Variants in ZNF410 observed in about 807,000 individuals in gnomAD.
ZNF410 encodes zinc finger protein 410.
In ZNF410, 18 loss-of-function variants were observed where a neutral mutation model predicts 54.8. The ratio of observed to expected loss-of-function variants is 0.33; its 90% CI spans 0.23 to 0.49. The LOEUF is 0.49. ZNF410 is among the 20% of genes least tolerant of loss of function. The pLI is 0.99. For synonymous variants in ZNF410, 191 were observed against 207.3 expected (o/e 0.92, Z 0.68); for missense variants, 405 against 569.6 (o/e 0.71, Z 2.94).
chr14:73,893,989 C>CT, intron 3 of ZNF410, 57 bp downstream of exon 3: 4 of 1,546,184 alleles, frequency 2.6e-6, no homozygotes, highest in Non-Finnish European at 3.5e-6. Flanking sequence ...TTAGCCTACT[C>CT]TATGTTACTG....
At chr14:73,930,972 A>G (rs757760262) in intron 11 of ZNF410, among the ~76,000 whole-genome samples, 2 of 152,188 alleles carry the variant, frequency 1.3e-5, no homozygotes, top group African/African-American at 4.8e-5. Flanking sequence ...AGCCTTGTGT[A>G]TAGAGTAGAA....
In ZNF410 at chr14:73,905,103, TC is replaced by T; in HGVS notation, c.913+22del. On this transcript the variant is annotated intron_variant, in intron 7 of 11. Transcript: ENST00000555044. Reference sequence around the variant, plus strand: ...ACACAGGTGTGTGCAGCACCAACATTCCTTTGGGCAGTCTGCTCCTTGGCTC... The same window carrying T: ...ACACAGGTGTGTGCAGCACCAACATTCTTTGGGCAGTCTGCTCCTTGGCTC... 1 of 1,606,730 alleles carries T rather than the reference TC, an allele frequency of 6.2e-7. No homozygotes were observed. The highest frequency in any genetic ancestry group is 8.5e-7 in the Non-Finnish European group (1 of 1,176,872).
intron 1 of ZNF410, among the ~76,000 whole-genome samples, chr14:73,890,282 G>A (rs1247492856): frequency 3.3e-5 from 5 of 151,200 alleles, no homozygotes; most frequent in Admixed American, 6.6e-5. Flanking sequence ...TCCATCTCTC[G>A]GGTTCAAGCG....
chr14:73,918,987 C>T (rs578229649), intron 8 of ZNF410, among the ~76,000 whole-genome samples: 20 of 136,808 alleles, frequency 1.5e-4, no homozygotes, highest in South Asian at 1.2e-3. Context: ...AGTAAGCCAC[C>T]GTGCCCGGCC....
intron 11 of ZNF410, among the ~76,000 whole-genome samples, chr14:73,930,801 G>C (rs536356211): frequency 6.6e-6 from 1 of 151,978 alleles, no homozygotes; most frequent in African/African-American, 2.4e-5. Context: ...GGGCCTCACT[G>C]TGTTGCCCAA....
intron 8 of ZNF410, 29 bp from the exon 9 acceptor site, chr14:73,920,951 T>TTCCTTGTTTAACCTGGTCCCTG: frequency 6.2e-7 from 1 of 1,613,198 alleles, no homozygotes; most frequent in Non-Finnish European, 8.5e-7. Context: ...TCCTTTTGGC[T>TTCCTTGTTTAACCTGGTCCCTG]TCCTTGTTTA....
intron 5 of ZNF410, among the ~76,000 whole-genome samples, chr14:73,899,543 C>T (rs1456074812): frequency 2.0e-5 from 3 of 152,126 alleles, no homozygotes; most frequent in African/African-American, 4.8e-5. Context: ...TGCCAATCTC[C>T]AGATGCTGAA....
intron 1 of ZNF410, among the ~76,000 whole-genome samples, chr14:73,888,773 A>G (rs977333733): frequency 6.6e-6 from 1 of 152,184 alleles, no homozygotes; most frequent in Non-Finnish European, 1.5e-5. Context: ...TCTGTTAAAG[A>G]TGAGATCCCC....
At chr14:73,912,146 G>T (rs971694577) in intron 8 of ZNF410, among the ~76,000 whole-genome samples, 1 of 149,842 alleles carries the variant, frequency 6.7e-6, no homozygotes, top group Non-Finnish European at 1.5e-5. Flanking sequence ...GTATTATAAG[G>T]TTCCCTATGA....
intron 11 of ZNF410, among the ~76,000 whole-genome samples, chr14:73,928,988 C>G (rs1204722975): frequency 3.3e-5 from 5 of 152,034 alleles, no homozygotes. Flanking sequence ...CAGGAAGGCA[C>G]AAAACCCAGT....
At chr14:73,919,886 GTTTT>G (rs1158550117) in intron 8 of ZNF410, among the ~76,000 whole-genome samples, 6 of 62,044 alleles carry the variant, frequency 9.7e-5, no homozygotes, top group Admixed American at 2.5e-4. Flanking sequence ...TATTGTATAG[GTTTT>G]TTTTTTTTTT....
chr14:73,893,920 C>T lies in ZNF410; in HGVS notation c.157C>T (p.Leu53=). ...GACTGAAGCCTCAGAATGCAGTCGG[C>T]TAATGTTACCAGGTAAAAATTAAGA... ...PVTEASECSR[L]MLPDDTTNHS... is the part of the protein sequence containing the mutation. The change falls in exon 3 of 12, where the codon CTA becomes TTA. Residue 53 remains leucine, a synonymous_variant. Transcript: ENST00000555044. 1 of 1,608,934 alleles carries T rather than the reference C, an allele frequency of 6.2e-7. No individual in the cohort carries two copies. Among genetic ancestry groups the T allele is most frequent in the Non-Finnish European group, 8.5e-7 (1 of 1,178,610 alleles).
chr14:73,905,812 T>C (rs902135137), intron 7 of ZNF410, among the ~76,000 whole-genome samples: 1 of 151,448 alleles, frequency 6.6e-6, no homozygotes, highest in Admixed American at 6.6e-5. Context: ...CAGGTAAAAT[T>C]AAAAGGCATA....
At position 73,923,436 on chromosome 14, in the gene ZNF410, C is replaced by T. The variant is rs758934162; in HGVS notation, c.1312C>T (p.Pro438Ser). 1 of 1,613,980 alleles carries T rather than the reference C, an allele frequency of 6.2e-7. No homozygotes were observed. Among genetic ancestry groups the T allele is most frequent in the East Asian group, 2.2e-5 (1 of 44,872 alleles). The change falls in exon 11 of 12, where the codon CCT becomes TCT. Residue 438 changes from proline (P) to serine (S), a missense_variant. By Grantham distance (74) the Pro-to-Ser change is moderately conservative. Transcript: ENST00000555044. The part of the protein sequence containing the change: ...EGSPRSLSSV[P>S]DVTHHLVTMQ... ...ATCCCCACGTTCCCTGTCTTCAGTG[C>T]CTGATGTGACACATCACCTGGTGAC...
chr14:73,918,686 CTTTTT>C (rs71115932), intron 8 of ZNF410, among the ~76,000 whole-genome samples: 21,210 of 73,312 alleles, frequency 0.29, 3,050 homozygotes, highest in Non-Finnish European at 0.37. Flanking sequence ...TTCATATGGC[CTTTTT>C]TTTTTTTTTT....
chr14:73,926,337 T>C (rs1438725922), intron 11 of ZNF410, among the ~76,000 whole-genome samples: 2 of 152,002 alleles, frequency 1.3e-5, no homozygotes, highest in Non-Finnish European at 2.9e-5. Flanking sequence ...TGTCTGTATA[T>C]TGCATTTGTT....
intron 11 of ZNF410, among the ~76,000 whole-genome samples, chr14:73,926,769 A>G (rs918888152): frequency 2.6e-5 from 4 of 151,996 alleles, no homozygotes; most frequent in Non-Finnish European, 5.9e-5. Context: ...AGATTTTCCC[A>G]CATTCTGGTT....
At chr14:73,930,411 C>T (rs1170472590) in intron 11 of ZNF410, among the ~76,000 whole-genome samples, 3 of 152,188 alleles carry the variant, frequency 2.0e-5, no homozygotes, top group Admixed American at 2.0e-4. Context: ...AATCCTCCTC[C>T]CTCAGCCTCC....
At chr14:73,912,169 CTTTT>C (rs34162465) in intron 8 of ZNF410, among the ~76,000 whole-genome samples, 7 of 128,570 alleles carry the variant, frequency 5.4e-5, no homozygotes, top group African/African-American at 9.0e-5. Context: ...CTTTCACTTT[CTTTT>C]TTTTTTTTTT....
Sources: gnomAD v4.1 joint callset for allele counts (sites outside exome capture counted in the v4.1 genomes callset) on GRCh38, gnomAD v4.1.1 for gene constraint, MANE v1.5 for transcripts, NCBI Gene and HGNC (gene_info 2026-07-23, HGNC 2026-07-21) for gene names.